GABRG3: variants seen among roughly 807,000 people sequenced by gnomAD.
The protein encoded by GABRG3 is gamma-aminobutyric acid receptor subunit gamma-3.
In GABRG3, 25 loss-of-function variants were observed where a neutral mutation model predicts 48.8. That is an observed-to-expected ratio of 0.51 (90% confidence interval 0.37 to 0.72). The LOEUF (loss-of-function observed/expected upper bound fraction) is 0.72. GABRG3 is among the 30% of genes least tolerant of loss of function. GABRG3 has a pLI of 0.00. For missense variants in GABRG3, 394 were observed against 577.9 expected, an observed-to-expected ratio of 0.68 and a Z score of 3.26; for synonymous variants, 227 against 217.6, an observed-to-expected ratio of 1.04 and a Z score of -0.38.
At chr15:27,111,396 T>TTATTTTTTG (rs1285270186) in intron 3 of GABRG3, among the ~76,000 whole-genome samples, 16 of 152,226 alleles carry the variant, frequency 1.1e-4, no homozygotes, top group Non-Finnish European at 2.9e-5. Flanking sequence ...GATGATGGTT[T>TTATTTTTTG]GTCCTTTCAG....
At chr15:27,441,275 C>T (rs561521247) in intron 5 of GABRG3, among the ~76,000 whole-genome samples, 1 of 152,290 alleles carries the variant, frequency 6.6e-6, no homozygotes, top group South Asian at 2.1e-4. Flanking sequence ...CTGCTGTAGG[C>T]TTAAATCTCT....
intron 3 of GABRG3, among the ~76,000 whole-genome samples, chr15:27,258,099 C>T (rs1021125551): frequency 1.8e-4 from 28 of 152,182 alleles, no homozygotes; most frequent in African/African-American, 6.3e-4. Flanking sequence ...TGGGTAATGA[C>T]GGGCTGAGGG....
chr15:27,015,879 A>G (rs1169870784), intron 2 of GABRG3, among the ~76,000 whole-genome samples: 6 of 152,166 alleles, frequency 3.9e-5, no homozygotes, highest in Admixed American at 2.0e-4. Context: ...GTGGTCAAAT[A>G]AAATACTTTG....
At position 27,306,208 on chromosome 15, in the gene GABRG3, C is replaced by G. The variant is rs1892425772; in HGVS notation, c.271-20601C>G. ...AATATAAACATATTTATAATATAAA[C>G]ATATGTAATATAAACATATGTTCTA... On this transcript the variant is annotated intron_variant, in intron 3 of 9. Transcript: ENST00000615808. Among the ~76,000 whole-genome samples, 3 of 127,050 alleles carry G rather than the reference C, an allele frequency of 2.4e-5. No individual in the cohort carries two copies. The Admixed American group carries it at 2.6e-4, about 11-fold the overall frequency. The allele number at this position is 127,050 out of a possible 152,430, so 83.3% of individuals were successfully genotyped here. A position where few individuals can be genotyped will look rare whatever the true frequency, so the allele number is the denominator to read the frequency against.
chr15:27,522,048 A>G (rs545851878), intron 7 of GABRG3, among the ~76,000 whole-genome samples: 2 of 152,128 alleles, frequency 1.3e-5, no homozygotes, highest in South Asian at 4.1e-4. Flanking sequence ...CAAGTAAGAT[A>G]AATACGAAGA....
At chr15:27,030,459 C>T (rs751711647) in intron 3 of GABRG3, among the ~76,000 whole-genome samples, 3 of 152,040 alleles carry the variant, frequency 2.0e-5, no homozygotes, top group Non-Finnish European at 4.4e-5. Context: ...TATGCTTTTT[C>T]TAGTTATCGA....
chr15:27,218,203 T>A (rs1046848423), intron 3 of GABRG3, among the ~76,000 whole-genome samples: 7 of 152,050 alleles, frequency 4.6e-5, no homozygotes, highest in African/African-American at 1.7e-4. Context: ...GTTTAATATT[T>A]GTTAAAGATG....
At chr15:27,245,854 A>G (rs907157972) in intron 3 of GABRG3, among the ~76,000 whole-genome samples, 1 of 152,200 alleles carries the variant, frequency 6.6e-6, no homozygotes, top group African/African-American at 2.4e-5. Context: ...ACTCCATCTC[A>G]AAAACAAAAA....
intron 3 of GABRG3, among the ~76,000 whole-genome samples, chr15:27,321,349 C>T (rs1330985305): frequency 2.0e-5 from 3 of 152,174 alleles, no homozygotes; most frequent in Non-Finnish European, 4.4e-5. Flanking sequence ...GGCGGCCAGA[C>T]CTTGGGAAAA....
chr15:27,157,876 A>T (rs1266645380), intron 3 of GABRG3: 4 of 152,250 alleles, frequency 2.6e-5, no homozygotes, highest in African/African-American at 9.6e-5. Flanking sequence ...TCCCTTGCTG[A>T]ATATAAATGA....
chr15:27,101,111 T>C (rs571014310), intron 3 of GABRG3, among the ~76,000 whole-genome samples: 7 of 152,298 alleles, frequency 4.6e-5, no homozygotes, highest in African/African-American at 1.7e-4. Flanking sequence ...TTCAGCAAGG[T>C]CTCTGGATAA....
intron 3 of GABRG3, among the ~76,000 whole-genome samples, chr15:27,222,957 T>TC (rs1463078528): frequency 2.6e-5 from 4 of 152,212 alleles, no homozygotes; most frequent in Non-Finnish European, 5.9e-5. Flanking sequence ...CAATCAACTT[T>TC]CAAGCATAAG....
chr15:26,975,500 G>A lies in GABRG3; in HGVS notation c.54-1502G>A, dbSNP rs960462688. Among the ~76,000 whole-genome samples, 7 of 152,152 alleles carry A rather than the reference G, an allele frequency of 4.6e-5. No individual in the cohort carries two copies. Among genetic ancestry groups the A allele is most frequent in the African/African-American group, 1.7e-4 (7 of 41,426 alleles). On this transcript the variant is annotated intron_variant, in intron 1 of 9. Coordinates refer to ENST00000615808, the MANE Select transcript of GABRG3 (RefSeq NM_033223.5). This position sits in a 1 kb window ranked among gnomAD's most constrained non-coding sequence, Gnocchi z 4.6. Reference sequence around the variant, plus strand: ...CTCATTGTCAACATCTCTCATTTATGTACATGTTCATACAGGTGTAGACTA... The same window carrying A: ...CTCATTGTCAACATCTCTCATTTATATACATGTTCATACAGGTGTAGACTA...
chr15:27,173,893 A>G (rs1887655601), intron 3 of GABRG3, among the ~76,000 whole-genome samples: 1 of 152,140 alleles, frequency 6.6e-6, no homozygotes, highest in African/African-American at 2.4e-5. Context: ...AAATAAAAAA[A>G]GAAGATAAAA....
At chr15:27,135,476 G>A (rs1309697247) in intron 3 of GABRG3, among the ~76,000 whole-genome samples, 1 of 152,202 alleles carries the variant, frequency 6.6e-6, no homozygotes, top group Admixed American at 6.5e-5. Flanking sequence ...CCACTATCCA[G>A]TACTTAGTGT....
intron 3 of GABRG3, among the ~76,000 whole-genome samples, chr15:27,244,396 T>A (rs150672873): frequency 6.6e-6 from 1 of 152,208 alleles, no homozygotes; most frequent in African/African-American, 2.4e-5. Flanking sequence ...GCTGGGAGCA[T>A]CTCCCCCAGG....
intron 3 of GABRG3, among the ~76,000 whole-genome samples, chr15:27,155,321 G>A (rs1595555658): frequency 6.6e-6 from 1 of 152,090 alleles, no homozygotes; most frequent in East Asian, 1.9e-4. Context: ...ATTAGTAATT[G>A]CTTGTTGAAA....
At chr15:27,006,839 T>G (rs1895594281) in intron 2 of GABRG3, among the ~76,000 whole-genome samples, 1 of 131,450 alleles carries the variant, frequency 7.6e-6, no homozygotes. Flanking sequence ...ATCTCGTTTG[T>G]TTTTTTTTTC....
chr15:27,222,146 C>G (rs1889474214), intron 3 of GABRG3, among the ~76,000 whole-genome samples: 1 of 152,218 alleles, frequency 6.6e-6, no homozygotes, highest in Non-Finnish European at 1.5e-5. Context: ...CCCCAAATGG[C>G]TCTCTGCTTT....
Sources: gnomAD v4.1 joint callset for allele counts (sites outside exome capture counted in the v4.1 genomes callset) on GRCh38, gnomAD v4.1.1 for gene constraint, Gnocchi (gnomAD v3.1) non-coding constraint, MANE v1.5 for transcripts, NCBI Gene and HGNC (gene_info 2026-07-23, HGNC 2026-07-21) for gene names.